ARL15: variants seen among roughly 807,000 people sequenced by gnomAD.
ARL15 encodes the protein ADP-ribosylation factor-like protein 15.
In ARL15, 19 loss-of-function variants were observed where a neutral mutation model predicts 25.2. The observed-to-expected ratio is 0.75, with a 90% CI of 0.53 to 1.10. ARL15 has a LOEUF of 1.10. Among genes scored for constraint, ARL15 ranks in the 50% least tolerant of loss-of-function variants. ARL15 has a pLI of 0.00. For synonymous variants in ARL15, 94 were observed against 86.8 expected (o/e 1.08, Z -0.46); for missense variants, 220 against 246.0 (o/e 0.89, Z 0.71).
intron 4 of ARL15, among the ~76,000 whole-genome samples, chr5:53,979,596 C>A (rs999005286): frequency 6.6e-6 from 1 of 152,026 alleles, no homozygotes; most frequent in Non-Finnish European, 1.5e-5. Flanking sequence ...CTATAGCAAC[C>A]TCTTTTAATC....
intron 4 of ARL15, among the ~76,000 whole-genome samples, chr5:54,039,521 C>G (rs966001810): frequency 2.6e-5 from 4 of 151,782 alleles, no homozygotes; most frequent in African/African-American, 9.7e-5. Context: ...CAAATAGTGC[C>G]GGGTGTGGTG....
chr5:54,112,376 C>T (rs1465051852), intron 4 of ARL15, among the ~76,000 whole-genome samples: 2 of 152,048 alleles, frequency 1.3e-5, no homozygotes, highest in African/African-American at 4.8e-5. Flanking sequence ...ATTTTTCAGG[C>T]TGAAAGGCAA....
At chr5:54,067,609 C>T (rs2112055383) in intron 4 of ARL15, among the ~76,000 whole-genome samples, 2 of 152,314 alleles carry the variant, frequency 1.3e-5, no homozygotes. Context: ...GCTTGTGCTA[C>T]ATCATTTGAC....
chr5:53,960,007 G>A (rs1027197641), intron 4 of ARL15, among the ~76,000 whole-genome samples: 1 of 151,984 alleles, frequency 6.6e-6, no homozygotes, highest in Non-Finnish European at 1.5e-5. Context: ...AATATTTGTC[G>A]AAAGAATTAA....
intron 1 of ARL15, among the ~76,000 whole-genome samples, chr5:54,180,859 T>C (rs1755035367): frequency 6.6e-6 from 1 of 152,254 alleles, no homozygotes; most frequent in Admixed American, 6.5e-5. Flanking sequence ...GGGGATTTCA[T>C]GCTTAGCAGC....
intron 1 of ARL15, among the ~76,000 whole-genome samples, chr5:54,213,998 T>C (rs1341052284): frequency 2.0e-5 from 3 of 152,076 alleles, no homozygotes; most frequent in Non-Finnish European, 4.4e-5. Context: ...GAGAGAGAAG[T>C]CTTTTAAAAC....
chr5:53,924,105 G>A (rs1351289346), intron 4 of ARL15, among the ~76,000 whole-genome samples: 1 of 152,204 alleles, frequency 6.6e-6, no homozygotes, highest in Admixed American at 6.5e-5. Flanking sequence ...AGTGTCCGGA[G>A]AAAGGTATTT....
chr5:54,241,093 T>C (rs540041905), intron 1 of ARL15, among the ~76,000 whole-genome samples: 1 of 152,300 alleles, frequency 6.6e-6, no homozygotes, highest in East Asian at 1.9e-4. Context: ...TGATGCTTAA[T>C]ACTATATAAT....
chr5:54,300,411 C>T (rs1322567461), intron 1 of ARL15, among the ~76,000 whole-genome samples: 1 of 152,222 alleles, frequency 6.6e-6, no homozygotes, highest in East Asian at 1.9e-4. Flanking sequence ...ATGTACCCAG[C>T]TCAGATGCCA....
At chr5:54,307,414 A>T (rs555331264) in intron 1 of ARL15, among the ~76,000 whole-genome samples, 1 of 152,336 alleles carries the variant, frequency 6.6e-6, no homozygotes, top group African/African-American at 2.4e-5. Context: ...AATACATGCC[A>T]GAAACCAAGT....
intron 3 of ARL15, among the ~76,000 whole-genome samples, chr5:54,137,387 T>C (rs143451773): frequency 2.2e-3 from 338 of 152,328 alleles, no homozygotes; most frequent in Non-Finnish European, 4.1e-3. Flanking sequence ...AGGGCTCACA[T>C]TGTATTGCCA....
chr5:54,191,170 C>T (rs1160275194), intron 1 of ARL15, among the ~76,000 whole-genome samples: 1 of 152,072 alleles, frequency 6.6e-6, no homozygotes, highest in African/African-American at 2.4e-5. Context: ...CATGTTTCAA[C>T]CCTGAGGACA....
chr5:54,245,468 C>T (rs886897272), intron 1 of ARL15, among the ~76,000 whole-genome samples: 7 of 152,126 alleles, frequency 4.6e-5, no homozygotes, highest in African/African-American at 1.7e-4. Context: ...AAAACAGAAG[C>T]TTGGTGATCT....
intron 4 of ARL15, among the ~76,000 whole-genome samples, chr5:53,947,484 C>T (rs568083430): frequency 6.6e-6 from 1 of 152,076 alleles, no homozygotes; most frequent in African/African-American, 2.4e-5. Context: ...TCCAAAGCCC[C>T]GTATCTCACT....
At chr5:54,144,921 T>C (rs868245598) in intron 3 of ARL15, among the ~76,000 whole-genome samples, 23 of 152,208 alleles carry the variant, frequency 1.5e-4, no homozygotes, top group Admixed American at 5.9e-4. Context: ...GAGCTCCAAT[T>C]AATAACTCTG....
At chr5:53,890,218 A>G (rs1285723303) in intron 4 of ARL15, among the ~76,000 whole-genome samples, 3 of 152,052 alleles carry the variant, frequency 2.0e-5, no homozygotes, top group Non-Finnish European at 4.4e-5. Context: ...ATTGTTCACC[A>G]TTGCTTTTTT....
chr5:54,053,333 A>C (rs1214624694), intron 4 of ARL15, among the ~76,000 whole-genome samples: 1 of 152,226 alleles, frequency 6.6e-6, no homozygotes, highest in Non-Finnish European at 1.5e-5. Flanking sequence ...ATCAACAAAT[A>C]AATGGGGTAG....
chr5:54,096,859 G>A (rs1341773473), intron 4 of ARL15, among the ~76,000 whole-genome samples: 2 of 152,022 alleles, frequency 1.3e-5, no homozygotes, highest in African/African-American at 4.8e-5. Flanking sequence ...TTCACATACT[G>A]GTTACTATGT....
intron 4 of ARL15, among the ~76,000 whole-genome samples, chr5:53,960,021 G>C (rs951595266): frequency 3.3e-5 from 5 of 152,062 alleles, no homozygotes; most frequent in African/African-American, 1.2e-4. Flanking sequence ...GAATTAATGA[G>C]TGGAGATGTC....
Sources: gnomAD v4.1 joint callset for allele counts (sites outside exome capture counted in the v4.1 genomes callset) on GRCh38, gnomAD v4.1.1 for gene constraint, MANE v1.5 for transcripts, NCBI Gene and HGNC (gene_info 2026-07-23, HGNC 2026-07-21) for gene names.